The following TMEM132B variants were observed in gnomAD, a reference collection of about 807,000 sequenced individuals.
TMEM132B encodes transmembrane protein 132B.
TMEM132B carries 18 observed loss-of-function variants against 90.8 expected under a neutral mutation model. That is an observed-to-expected ratio of 0.20 (90% CI 0.14 to 0.29). The LOEUF is 0.29. Ranked by LOEUF, TMEM132B falls within the 10% of genes least tolerant of loss-of-function variation. The probability of loss-of-function intolerance (pLI) is 1.00; values close to 1 mark genes in which losing one functional copy is unlikely to be tolerated. For missense variants in TMEM132B, 1,096 were observed against 1,326.8 expected (o/e 0.83, Z 2.70); for synonymous variants, 504 against 523.3 (o/e 0.96, Z 0.50).
chr12:125,594,189 C>T (rs2136901745), intron 5 of TMEM132B, among the ~76,000 whole-genome samples: 1 of 152,320 alleles, frequency 6.6e-6, no homozygotes, highest in Non-Finnish European at 1.5e-5. Context: ...GCTCTTGCTT[C>T]TTCCATCCAG....
At chr12:125,588,683 C>T (rs925277050) in intron 5 of TMEM132B, among the ~76,000 whole-genome samples, 2 of 152,118 alleles carry the variant, frequency 1.3e-5, no homozygotes, top group African/African-American at 2.4e-5. Context: ...AAAATGTTTT[C>T]CTGGCATTTG....
In TMEM132B at chr12:125,654,262, G is replaced by A; in HGVS notation, c.2804G>A (p.Arg935Lys). 2 of 1,614,006 alleles carry A rather than the reference G, an allele frequency of 1.2e-6. No individual in the cohort carries two copies. Among genetic ancestry groups the A allele is most frequent in the South Asian group, 1.1e-5 (1 of 91,066 alleles). ...TTTGCCTGGAAATACAGACACAAAA[G>A]GTTTGCTGTGAGTGAGCAGGGCAAC... is the stretch of plus-strand genomic sequence containing the variant. ...VAFAWKYRHK[R>K]FAVSEQGNIP... The change falls in exon 9 of 9, where the codon AGG becomes AAG. Residue 935 changes from arginine (R) to lysine (K), a missense_variant. Coordinates refer to ENST00000682704, the MANE Select transcript of TMEM132B (RefSeq NM_001366854.1). The surrounding 1 kb of genome is among the most constrained non-coding windows in gnomAD (Gnocchi z 5.8).
chr12:125,225,963 T>C (rs1044787078), intron 1 of TMEM132B, among the ~76,000 whole-genome samples: 16 of 152,332 alleles, frequency 1.1e-4, no homozygotes, highest in Non-Finnish European at 1.6e-4. Context: ...GGTTTTCTAG[T>C]ATAATAATTC....
intron 1 of TMEM132B, among the ~76,000 whole-genome samples, chr12:125,243,030 TATAC>T (rs1209529761): frequency 1.8e-4 from 25 of 139,500 alleles, no homozygotes; most frequent in Admixed American, 8.0e-4. Flanking sequence ...TATATATATA[TATAC>T]ACACACACAC....
intron 1 of TMEM132B, among the ~76,000 whole-genome samples, chr12:125,290,407 T>C (rs1252367834): frequency 1.3e-5 from 2 of 152,216 alleles, no homozygotes; most frequent in Non-Finnish European, 2.9e-5. Context: ...TCGATGCTCC[T>C]GTAGACTCCT....
chr12:125,360,071 C>T lies in TMEM132B; in HGVS notation c.959+9728C>T, dbSNP rs186695160. Among the ~76,000 whole-genome samples, 357 of 152,212 alleles carry T rather than the reference C, an allele frequency of 2.3e-3. 1 individual carries two copies. The highest frequency in any genetic ancestry group is 8.4e-3 in the African/African-American group (347 of 41,522). On this transcript the variant is annotated intron_variant, in intron 2 of 8. Transcript: ENST00000682704. The stretch of plus-strand genomic sequence containing the variant: ...CCAGCCTGGCGACAGAGCAAGACTC[C>T]GTCTCAAAACAAAACAAAACAAAAT...
intron 4 of TMEM132B, among the ~76,000 whole-genome samples, chr12:125,549,903 G>A (rs995670018): frequency 1.3e-5 from 2 of 152,180 alleles, no homozygotes; most frequent in African/African-American, 4.8e-5. Flanking sequence ...GAACGAGCAT[G>A]TGCCAGTTGT....
intron 5 of TMEM132B, among the ~76,000 whole-genome samples, chr12:125,589,774 T>C (rs1422675972): frequency 6.6e-6 from 1 of 152,090 alleles, no homozygotes; most frequent in East Asian, 2.0e-4. Flanking sequence ...CAGTACTAAG[T>C]GGGATGGTGC....
At chr12:125,342,525 A>G (rs1359962084) in intron 1 of TMEM132B, among the ~76,000 whole-genome samples, 1 of 152,158 alleles carries the variant, frequency 6.6e-6, no homozygotes, top group African/African-American at 2.4e-5. Context: ...GTTCCTTCTT[A>G]GGTCCTGCCT....
chr12:125,481,195 A>C (rs1480856704), intron 3 of TMEM132B, among the ~76,000 whole-genome samples: 2 of 152,240 alleles, frequency 1.3e-5, no homozygotes, highest in Non-Finnish European at 2.9e-5. Flanking sequence ...GAAAACTGGC[A>C]CAAGACAGGA....
intron 5 of TMEM132B, among the ~76,000 whole-genome samples, chr12:125,621,861 A>G (rs1017481225): frequency 6.6e-6 from 1 of 152,242 alleles, no homozygotes; most frequent in Non-Finnish European, 1.5e-5. Flanking sequence ...TGACGTGATC[A>G]TAAAATGACA....
intron 5 of TMEM132B, among the ~76,000 whole-genome samples, chr12:125,591,904 C>T (rs141091994): frequency 6.6e-6 from 1 of 152,268 alleles, no homozygotes; most frequent in East Asian, 1.9e-4. Context: ...ATTGCATCTG[C>T]AAATACCCTT....
At chr12:125,382,774 G>A (rs1878722475) in intron 2 of TMEM132B, among the ~76,000 whole-genome samples, 1 of 152,180 alleles carries the variant, frequency 6.6e-6, no homozygotes, top group Non-Finnish European at 1.5e-5. Context: ...ACCACTCATT[G>A]AATTATTCCA....
intron 5 of TMEM132B, among the ~76,000 whole-genome samples, chr12:125,590,074 A>C (rs939505475): frequency 1.1e-4 from 16 of 151,792 alleles, no homozygotes; most frequent in Non-Finnish European, 2.1e-4. Flanking sequence ...GCACCTCCTC[A>C]CTCCCTCTCT....
At chr12:125,188,276 A>G (rs1229891055) in intron 1 of TMEM132B, among the ~76,000 whole-genome samples, 1 of 152,150 alleles carries the variant, frequency 6.6e-6, no homozygotes, top group Non-Finnish European at 1.5e-5. Context: ...CAGCTATGAT[A>G]GCTGTTTTGC....
intron 4 of TMEM132B, among the ~76,000 whole-genome samples, chr12:125,569,107 T>G (rs2136822893): frequency 6.6e-6 from 1 of 152,246 alleles, no homozygotes; most frequent in South Asian, 2.1e-4. Flanking sequence ...TTGCTCTTTC[T>G]GTCTCAGTGT....
At chr12:125,368,504 A>G (rs1039818940) in intron 2 of TMEM132B, among the ~76,000 whole-genome samples, 1 of 152,098 alleles carries the variant, frequency 6.6e-6, no homozygotes, top group Non-Finnish European at 1.5e-5. Context: ...TCAAATTTTT[A>G]TTTATTCATT....
intron 5 of TMEM132B, among the ~76,000 whole-genome samples, chr12:125,621,283 G>T (rs1224550689): frequency 6.6e-6 from 1 of 152,124 alleles, no homozygotes; most frequent in Non-Finnish European, 1.5e-5. Flanking sequence ...GTCTTGAGGG[G>T]TGCACAGGAG....
At chr12:125,266,098 G>A (rs1012149955) in intron 1 of TMEM132B, among the ~76,000 whole-genome samples, 23 of 152,110 alleles carry the variant, frequency 1.5e-4, no homozygotes, top group East Asian at 3.9e-4. Flanking sequence ...GTGTGGTGGC[G>A]GGCATCTGTG....
Sources: allele counts gnomAD v4.1 joint callset (sites outside exome capture counted in the v4.1 genomes callset), GRCh38; gene constraint gnomAD v4.1.1; non-coding constraint Gnocchi (gnomAD v3.1); transcripts MANE v1.5; gene names NCBI Gene and HGNC (gene_info 2026-07-23, HGNC 2026-07-21).